The following GRID1 variants were observed in gnomAD, a reference collection of about 807,000 sequenced individuals.
The protein encoded by GRID1 is glutamate receptor ionotropic, delta-1.
Under a neutral mutation model 98.0 loss-of-function variants are expected in GRID1, and 28 were observed. The ratio of observed to expected loss-of-function variants is 0.29; its 90% CI spans 0.21 to 0.39. The LOEUF (loss-of-function observed/expected upper bound fraction) is 0.39, where lower values mean the gene tolerates loss of function less well. Ranked by LOEUF, GRID1 falls within the 10% of genes least tolerant of loss-of-function variation. The probability of loss-of-function intolerance (pLI) is 1.00; values close to 1 mark genes in which losing one functional copy is unlikely to be tolerated. For missense variants in GRID1, 1,111 were observed against 1,340.5 expected, an observed-to-expected ratio of 0.83 and a Z score of 2.67; for synonymous variants, 553 against 538.5, an observed-to-expected ratio of 1.03 and a Z score of -0.37.
intron 5 of GRID1, among the ~76,000 whole-genome samples, chr10:85,915,505 G>A (rs1327731008): frequency 6.6e-6 from 1 of 150,588 alleles, no homozygotes; most frequent in African/African-American, 2.5e-5. Context: ...ATTTATACAT[G>A]CACACACACA....
intron 12 of GRID1, among the ~76,000 whole-genome samples, chr10:85,701,804 C>G (rs1433087197): frequency 1.3e-5 from 2 of 152,030 alleles, no homozygotes; most frequent in African/African-American, 4.8e-5. Context: ...AAGAATGATA[C>G]AATGGACCAG....
chr10:85,853,655 C>A (rs1210120637), intron 8 of GRID1, among the ~76,000 whole-genome samples: 1 of 152,208 alleles, frequency 6.6e-6, no homozygotes, highest in Non-Finnish European at 1.5e-5. Context: ...GACAGCCAGC[C>A]ACTGACCACA....
chr10:86,210,598 C>A (rs1372991811), intron 2 of GRID1, among the ~76,000 whole-genome samples: 1 of 152,196 alleles, frequency 6.6e-6, no homozygotes, highest in Non-Finnish European at 1.5e-5. Flanking sequence ...GCCATCTCGC[C>A]CTCCCCGTGG....
intron 2 of GRID1, among the ~76,000 whole-genome samples, chr10:86,309,488 C>T (rs1159226137): frequency 6.6e-6 from 1 of 152,188 alleles, no homozygotes; most frequent in Non-Finnish European, 1.5e-5. Flanking sequence ...GTGTCCTGGG[C>T]ACAGTACACA....
intron 8 of GRID1, among the ~76,000 whole-genome samples, chr10:85,735,363 T>C (rs1164732991): frequency 6.6e-6 from 1 of 152,204 alleles, no homozygotes; most frequent in Non-Finnish European, 1.5e-5. Context: ...CCAGAGGTTA[T>C]AGCACAATCA....
rs182724661 is a variant in GRID1, at chr10:85,996,938, G to T, written c.727-80699C>A. Among the ~76,000 whole-genome samples, 7 of 151,450 alleles carry T rather than the reference G, an allele frequency of 4.6e-5. No homozygotes were observed. In the East Asian group the frequency reaches 1.4e-3, roughly 29 times the overall value. On this transcript the variant is annotated intron_variant, in intron 4 of 15. Transcript: ENST00000327946. ...AGACAAAAATCTATAGATTTAAGAA[G>T]TTCTGCAAACCCAAACAGAATAAAA...
At chr10:85,831,068 C>G (rs1842863281) in intron 8 of GRID1, among the ~76,000 whole-genome samples, 2 of 151,848 alleles carry the variant, frequency 1.3e-5, no homozygotes, top group Admixed American at 1.3e-4. Context: ...TAATGCCCAT[C>G]AATGGTAAAC....
At chr10:86,014,113 G>A (rs1019356031) in intron 4 of GRID1, among the ~76,000 whole-genome samples, 2 of 152,114 alleles carry the variant, frequency 1.3e-5, no homozygotes, top group African/African-American at 4.8e-5. Flanking sequence ...ACTTTTTCCA[G>A]GCTACAGGAC....
At chr10:85,661,280 A>G (rs1440827010) in intron 12 of GRID1, among the ~76,000 whole-genome samples, 2 of 152,098 alleles carry the variant, frequency 1.3e-5, no homozygotes, top group African/African-American at 4.8e-5. Context: ...ACACTGTGAC[A>G]GAAACCCGCT....
At chr10:86,309,552 C>T (rs2132087227) in intron 2 of GRID1, among the ~76,000 whole-genome samples, 2 of 152,290 alleles carry the variant, frequency 1.3e-5, no homozygotes, top group Middle Eastern at 6.8e-3. Context: ...TCGGAGAAGT[C>T]CACATGGCCT....
intron 8 of GRID1, among the ~76,000 whole-genome samples, chr10:85,798,879 T>C (rs1842550338): frequency 6.6e-6 from 1 of 152,136 alleles, no homozygotes; most frequent in Non-Finnish European, 1.5e-5. Context: ...AGTCTATTTT[T>C]GTATTTGTTG....
intron 1 of GRID1, among the ~76,000 whole-genome samples, chr10:86,364,495 G>T (rs893449358): frequency 2.0e-4 from 30 of 152,104 alleles, no homozygotes; most frequent in Admixed American, 1.7e-3. Context: ...CCAGGAGCCA[G>T]GAAGTTCCCC....
intron 2 of GRID1, among the ~76,000 whole-genome samples, chr10:86,256,934 CCT>C (rs753639654): frequency 1.3e-5 from 2 of 152,184 alleles, no homozygotes; most frequent in African/African-American, 4.8e-5. Context: ...ACTGGCAGCC[CCT>C]CTCTGCCTGC....
At chr10:86,217,629 A>G (rs1846194763) in intron 2 of GRID1, among the ~76,000 whole-genome samples, 1 of 152,132 alleles carries the variant, frequency 6.6e-6, no homozygotes, top group South Asian at 2.1e-4. Flanking sequence ...CTTCCCAGAA[A>G]TTCCACATGC....
intron 8 of GRID1, among the ~76,000 whole-genome samples, chr10:85,841,355 A>G (rs1451086257): frequency 2.0e-5 from 3 of 152,316 alleles, no homozygotes; most frequent in African/African-American, 7.2e-5. Flanking sequence ...AAAAATTTAT[A>G]TGTAAAGCCC....
chr10:85,727,923 C>T lies in GRID1; in HGVS notation c.1465G>A (p.Asp489Asn), dbSNP rs267602599. 6.2e-7 allele frequency: 1 copy of T among 1,614,060 alleles called. No homozygotes were observed. ...TGGAGCTGGTGACCGTACCTGCCAT[C>T]AGGGGCTTGGTAAATCTCATATTTA... ...GFKYEIYQAP[D>N]GRYGHQLHNT... The change falls in exon 10 of 16, where the codon GAT (aspartate) becomes AAT (asparagine). Residue 489 changes from aspartate to asparagine, a missense_variant. By Grantham distance (23) the Asp-to-Asn change is conservative. Around this residue, in one of 3 missense-constraint regions of GRID1, gnomAD observed 762 missense variants for 869.1 expected, o/e 0.88. Transcript: ENST00000327946.
At chr10:85,751,456 C>A (rs969328089) in intron 8 of GRID1, among the ~76,000 whole-genome samples, 1 of 152,124 alleles carries the variant, frequency 6.6e-6, no homozygotes, top group Admixed American at 6.5e-5. Context: ...AAAATCATGT[C>A]TTCTGCAATC....
chr10:86,152,105 G>A lies in GRID1; in HGVS notation c.521-13081C>T, dbSNP rs529302824. Among the ~76,000 whole-genome samples the A allele has an allele frequency of 2.0e-5, 3 of 152,312 alleles. No homozygotes were observed. In the East Asian group the frequency reaches 5.8e-4, roughly 29 times the overall value. ...AAGGGGTTTGTTTCTCCAGACAGAGGGAAGGTCTCAAGAAAGCCTTCAGAG... is the reference window on the plus strand; with the variant it reads ...AAGGGGTTTGTTTCTCCAGACAGAGAGAAGGTCTCAAGAAAGCCTTCAGAG... On this transcript the variant is annotated intron_variant, in intron 3 of 15. Transcript: ENST00000327946.
At chr10:85,623,852 T>C (rs575375144) in intron 13 of GRID1, among the ~76,000 whole-genome samples, 1 of 152,328 alleles carries the variant, frequency 6.6e-6, no homozygotes, top group African/African-American at 2.4e-5. Flanking sequence ...TTGAGGATGT[T>C]TTTCAGGCTC....
Sources: allele counts gnomAD v4.1 joint callset (sites outside exome capture counted in the v4.1 genomes callset), GRCh38; gene constraint gnomAD v4.1.1; regional missense constraint gnomAD v4.1.1; transcripts MANE v1.5; gene names NCBI Gene and HGNC (gene_info 2026-07-23, HGNC 2026-07-21).